VCL: variants seen among roughly 807,000 people sequenced by gnomAD.
The protein encoded by VCL is vinculin, also known as epididymis luminal protein 114.
VCL carries 47 observed loss-of-function variants against 125.7 expected under a neutral mutation model. The observed-to-expected ratio is 0.37, with a 90% confidence interval of 0.30 to 0.48. VCL has a LOEUF of 0.48. Ranked by LOEUF, VCL falls within the 20% of genes least tolerant of loss-of-function variation. The probability of loss-of-function intolerance (pLI) is 0.99; values close to 1 mark genes in which losing one functional copy is unlikely to be tolerated. For synonymous variants in VCL, 458 were observed against 514.6 expected, an observed-to-expected ratio of 0.89 and a Z score of 1.49; for missense variants, 1,069 against 1,455.5, an observed-to-expected ratio of 0.73 and a Z score of 4.32.
chr10:74,023,487 T>C (rs768961875), intron 1 of VCL, among the ~76,000 whole-genome samples: 5 of 152,222 alleles, frequency 3.3e-5, no homozygotes, highest in Non-Finnish European at 7.3e-5. Context: ...CTTAAAACAG[T>C]GACAAACTGG....
chr10:74,073,193 C>G (rs189367806), intron 5 of VCL, among the ~76,000 whole-genome samples: 58 of 152,270 alleles, frequency 3.8e-4, no homozygotes, highest in African/African-American at 1.3e-3. Flanking sequence ...CCTGCCTCAG[C>G]CTCCCAGAGT....
chr10:74,040,749 T>C (rs1326419467), intron 1 of VCL, among the ~76,000 whole-genome samples: 1 of 152,264 alleles, frequency 6.6e-6, no homozygotes, highest in Non-Finnish European at 1.5e-5. Context: ...TATGTGTTGC[T>C]TTTTCTAGCT....
At chr10:74,020,468 T>C (rs1252914646) in intron 1 of VCL, among the ~76,000 whole-genome samples, 1 of 152,172 alleles carries the variant, frequency 6.6e-6, no homozygotes, top group African/African-American at 2.4e-5. Context: ...GGAAAGGGCT[T>C]GAATTCAGGA....
rs150595117 is a variant in VCL at position 74,114,203 on chromosome 10, C to T, written c.2969C>T (p.Ala990Val). The T allele has an allele frequency of 2.9e-4, 471 of 1,613,554 alleles. No individual in the cohort carries two copies. The highest frequency in any genetic ancestry group is 3.7e-4 in the Non-Finnish European group (432 of 1,180,028). Residue 990 changes from alanine (A) to valine (V), a missense_variant, in exon 20 of 22, where the codon GCA (alanine) becomes GTA (valine). By Grantham distance (64) the Ala-to-Val change is moderately conservative. This residue lies in a region of VCL where 91 missense variants were observed against 203.9 expected (regional missense o/e 0.45). Transcript: ENST00000211998. ...CTCTAGGGCAATGACATCATTGCAG[C>T]AGCCAAGCGCATGGCTCTGCTGATG... ...WSSKGNDIIA[A>V]AKRMALLMAE...
chr10:74,084,432 C>T (rs1028219694), intron 8 of VCL, among the ~76,000 whole-genome samples: 1 of 151,794 alleles, frequency 6.6e-6, no homozygotes, highest in Admixed American at 6.6e-5. Context: ...GCTGGGATTA[C>T]AGGCATGGGC....
intron 1 of VCL, among the ~76,000 whole-genome samples, chr10:74,023,067 A>C (rs904908351): frequency 6.6e-6 from 1 of 152,214 alleles, no homozygotes; most frequent in African/African-American, 2.4e-5. Context: ...AATCATTAGA[A>C]GTGAACTTGA....
chr10:74,072,071 G>A (rs1231899406), intron 4 of VCL, among the ~76,000 whole-genome samples: 1 of 152,148 alleles, frequency 6.6e-6, no homozygotes, highest in Non-Finnish European at 1.5e-5. Flanking sequence ...AATCCTAGGA[G>A]TAATTTGAAA....
chr10:74,022,801 T>C (rs1337670047), intron 1 of VCL, among the ~76,000 whole-genome samples: 1 of 151,662 alleles, frequency 6.6e-6, no homozygotes, highest in Non-Finnish European at 1.5e-5. Context: ...CACACCCGGC[T>C]AAATTTTTTT....
intron 21 of VCL, among the ~76,000 whole-genome samples, chr10:74,116,048 C>CA (rs1204792376): frequency 6.6e-6 from 1 of 152,208 alleles, no homozygotes; most frequent in Non-Finnish European, 1.5e-5. Flanking sequence ...GCTCATCACA[C>CA]ATGGGCTAAG....
intron 13 of VCL, among the ~76,000 whole-genome samples, chr10:74,098,493 G>A (rs940351747): frequency 1.3e-5 from 2 of 152,210 alleles, no homozygotes; most frequent in Non-Finnish European, 2.9e-5. Flanking sequence ...AACAGTGCCT[G>A]CCACATTGTT....
rs190936429 is a variant in VCL, at chr10:74,029,059, T to C, written c.169-14024T>C. Among the ~76,000 whole-genome samples the C allele has an allele frequency of 1.8e-3, 280 of 152,028 alleles. No homozygotes were observed. The South Asian group carries it at 0.021, about 11-fold the overall frequency. On this transcript the variant is annotated intron_variant, in intron 1 of 21. Transcript: ENST00000211998. Reference sequence around the variant, plus strand: ...GTCTCAAACTCTTGGCCTCAAGTGATCCACCCACTTCGGCCTCCCAAAGTG... The same window carrying C: ...GTCTCAAACTCTTGGCCTCAAGTGACCCACCCACTTCGGCCTCCCAAAGTG...
At position 74,114,871 on chromosome 10, in the gene VCL, C is replaced by T; in HGVS notation, c.3230C>T (p.Thr1077Ile). 1 of 1,602,206 alleles carries T rather than the reference C, an allele frequency of 6.2e-7. No homozygotes were observed. The highest frequency in any genetic ancestry group is 1.1e-5 in the South Asian group (1 of 88,822). Residue 1077 changes from threonine to isoleucine, a missense_variant, in exon 21 of 22, where the codon ACC (threonine) becomes ATC (isoleucine). This residue lies in a region of VCL where 91 missense variants were observed against 203.9 expected (regional missense o/e 0.45). Coordinates refer to ENST00000211998, the MANE Select transcript of VCL (RefSeq NM_014000.3). ...GTGAAGGCCACCATGCTGGGCCGGA[C>T]CAACATCAGTGATGAGGAGTCTGAG... ...STVKATMLGR[T>I]NISDEESEQA...
At chr10:74,011,785 C>T (rs1840441227) in intron 1 of VCL, among the ~76,000 whole-genome samples, 1 of 152,060 alleles carries the variant, frequency 6.6e-6, no homozygotes, top group East Asian at 1.9e-4. Flanking sequence ...CCAAAAAATT[C>T]CATGTCACTT....
chr10:74,061,907 CTT>C (rs11439344), intron 2 of VCL, among the ~76,000 whole-genome samples: 4 of 129,322 alleles, frequency 3.1e-5, no homozygotes, highest in Admixed American at 8.3e-5. Context: ...AACCAATCTA[CTT>C]TTTTTTTTTT....
intron 21 of VCL, among the ~76,000 whole-genome samples, chr10:74,115,961 C>A (rs1303661364): frequency 6.6e-6 from 1 of 152,198 alleles, no homozygotes; most frequent in African/African-American, 2.4e-5. Context: ...CTGCTCTAAG[C>A]AAGATTCCCA....
intron 1 of VCL, among the ~76,000 whole-genome samples, chr10:74,032,741 A>G (rs2136241645): frequency 6.6e-6 from 1 of 151,254 alleles, no homozygotes; most frequent in African/African-American, 2.4e-5. Context: ...TTGGCAAGGT[A>G]TCTGAATAGA....
At chr10:74,045,302 G>GATAT (rs1216765460) in intron 2 of VCL, among the ~76,000 whole-genome samples, 2 of 151,634 alleles carry the variant, frequency 1.3e-5, no homozygotes, top group South Asian at 4.2e-4. Flanking sequence ...TAGATAGATA[G>GATAT]ATAGATATGT....
intron 16 of VCL, among the ~76,000 whole-genome samples, chr10:74,106,247 G>A (rs574808276): frequency 2.6e-5 from 4 of 152,170 alleles, no homozygotes; most frequent in South Asian, 4.1e-4. Context: ...ATAGCTCCTC[G>A]CCTTGTTCAG....
intron 1 of VCL, among the ~76,000 whole-genome samples, chr10:74,000,292 C>T (rs932942415): frequency 5.2e-4 from 70 of 134,138 alleles, no homozygotes; most frequent in Admixed American, 6.2e-4. Flanking sequence ...GACAGGGTCT[C>T]GCTCTGTCAC....
Sources: allele counts gnomAD v4.1 joint callset (sites outside exome capture counted in the v4.1 genomes callset), GRCh38; gene constraint gnomAD v4.1.1; regional missense constraint gnomAD v4.1.1; transcripts MANE v1.5; gene names NCBI Gene and HGNC (gene_info 2026-07-23, HGNC 2026-07-21).